The following LRRIQ3 variants were observed in gnomAD, a reference collection of about 807,000 sequenced individuals.
The protein encoded by LRRIQ3 is leucine rich repeats and IQ motif containing 3.
Under a neutral mutation model 59.3 loss-of-function variants are expected in LRRIQ3, and 75 were observed. The ratio of observed to expected loss-of-function variants is 1.26; its 90% CI spans 1.05 to 1.53. The LOEUF (loss-of-function observed/expected upper bound fraction) is 1.53. LRRIQ3 is among the 40% of genes most tolerant of loss of function. The probability of loss-of-function intolerance (pLI) is 0.00; values close to 1 mark genes in which losing one functional copy is unlikely to be tolerated. For missense variants in LRRIQ3, 831 were observed against 710.0 expected (o/e 1.17, Z -1.94); for synonymous variants, 250 against 231.3 (o/e 1.08, Z -0.73).
chr1:74,184,078 A>G (rs1226310016), intron 1 of LRRIQ3, among the ~76,000 whole-genome samples: 1 of 152,076 alleles, frequency 6.6e-6, no homozygotes, highest in Non-Finnish European at 1.5e-5. Context: ...ACTGTTAAAG[A>G]AATACACTGA....
At chr1:74,099,036 G>C (rs1409999973) in intron 5 of LRRIQ3, among the ~76,000 whole-genome samples, 1 of 151,928 alleles carries the variant, frequency 6.6e-6, no homozygotes, top group Non-Finnish European at 1.5e-5. Context: ...CTAGCAGAAG[G>C]CAAGAAATAA....
intron 5 of LRRIQ3, among the ~76,000 whole-genome samples, chr1:74,094,453 G>A (rs1384631908): frequency 6.6e-6 from 1 of 151,946 alleles, no homozygotes; most frequent in Non-Finnish European, 1.5e-5. Flanking sequence ...TGTGAGGTAG[G>A]GGTCACAAGC....
At chr1:74,045,659 G>A (rs1194612248) in intron 6 of LRRIQ3, among the ~76,000 whole-genome samples, 1 of 152,126 alleles carries the variant, frequency 6.6e-6, no homozygotes, top group Non-Finnish European at 1.5e-5. Flanking sequence ...TAGGAAAAGA[G>A]GAAGTCAAAT....
At chr1:74,094,141 T>A (rs984515035) in intron 5 of LRRIQ3, among the ~76,000 whole-genome samples, 2 of 151,952 alleles carry the variant, frequency 1.3e-5, no homozygotes, top group East Asian at 3.9e-4. Flanking sequence ...AGATTCTTAA[T>A]CCTATCAGGT....
intron 4 of LRRIQ3, among the ~76,000 whole-genome samples, chr1:74,136,437 C>T (rs891473685): frequency 6.6e-6 from 1 of 151,940 alleles, no homozygotes; most frequent in Admixed American, 6.6e-5. Context: ...TTTCTTAGCA[C>T]AGCAGTGAGC....
chr1:74,084,864 C>T (rs1329783769), intron 5 of LRRIQ3, among the ~76,000 whole-genome samples: 1 of 151,622 alleles, frequency 6.6e-6, no homozygotes, highest in African/African-American at 2.4e-5. Context: ...ATATCATCAG[C>T]CTATAGAATT....
intron 4 of LRRIQ3, among the ~76,000 whole-genome samples, chr1:74,116,560 G>A (rs1457119917): frequency 6.6e-6 from 1 of 151,826 alleles, no homozygotes; most frequent in Non-Finnish European, 1.5e-5. Context: ...TCAATACACA[G>A]GTATTATTAA....
intron 4 of LRRIQ3, among the ~76,000 whole-genome samples, chr1:74,121,295 C>A (rs1432262906): frequency 6.6e-6 from 1 of 152,104 alleles, no homozygotes. Flanking sequence ...TGCCATCCAA[C>A]TTTTCCATGT....
intron 5 of LRRIQ3, among the ~76,000 whole-genome samples, chr1:74,101,765 T>G (rs918337291): frequency 5.9e-5 from 9 of 152,256 alleles, no homozygotes; most frequent in South Asian, 2.1e-4. Flanking sequence ...TGGAGGGACA[T>G]GGATGAAGCT....
intron 6 of LRRIQ3, among the ~76,000 whole-genome samples, chr1:74,046,532 G>A (rs1485468793): frequency 6.6e-6 from 1 of 152,136 alleles, no homozygotes; most frequent in South Asian, 2.1e-4. Context: ...CAGGACATTG[G>A]AATGGGCAAA....
intron 6 of LRRIQ3, among the ~76,000 whole-genome samples, chr1:74,068,358 A>G (rs899056883): frequency 1.3e-5 from 2 of 152,072 alleles, no homozygotes; most frequent in Non-Finnish European, 2.9e-5. Context: ...ATGGCCTCTA[A>G]GATCTGCATA....
chr1:74,172,523 C>G (rs375754490), intron 3 of LRRIQ3, among the ~76,000 whole-genome samples: 5 of 152,106 alleles, frequency 3.3e-5, no homozygotes, highest in South Asian at 2.1e-4. Flanking sequence ...AAAGAAGGTT[C>G]TGTGTGTGCT....
intron 6 of LRRIQ3, among the ~76,000 whole-genome samples, chr1:74,053,211 T>C (rs377143295): frequency 3.7e-5 from 5 of 136,474 alleles, no homozygotes; most frequent in Admixed American, 1.5e-4. Context: ...AATCTAGACA[T>C]AGACCTTACA....
At chr1:74,116,978 A>C (rs1646785487) in intron 4 of LRRIQ3, among the ~76,000 whole-genome samples, 1 of 152,142 alleles carries the variant, frequency 6.6e-6, no homozygotes, top group Admixed American at 6.6e-5. Context: ...GGAAATGATT[A>C]GTTATAATGT....
chr1:74,076,119 T>C (rs1242699029), intron 5 of LRRIQ3, among the ~76,000 whole-genome samples: 1 of 152,114 alleles, frequency 6.6e-6, no homozygotes, highest in South Asian at 2.1e-4. Flanking sequence ...AGGCAACCAA[T>C]AGTCCATCAG....
At position 74,041,556 on chromosome 1, in the gene LRRIQ3, CA is replaced by C; in HGVS notation, c.1374del (p.Asn458LysfsTer4). ...GCATATTTTTTCTGATTCAAATGTT[CA>C]TTAACAGCTACTCTAACTCTTTCTC... is the stretch of plus-strand genomic sequence containing the variant. The part of the protein sequence containing the change: ...VARERVRVAV[N>X]EHLNQKKYAT... On this transcript the variant is annotated frameshift_variant, in exon 7 of 8. Coordinates refer to ENST00000354431, the MANE Select transcript of LRRIQ3 (RefSeq NM_001105659.2). LOFTEE classifies it high-confidence loss of function. 1 of 1,613,076 alleles carries C rather than the reference CA, an allele frequency of 6.2e-7. No individual in the cohort carries two copies. The highest frequency in any genetic ancestry group is 8.5e-7 in the Non-Finnish European group (1 of 1,179,740).
chr1:74,082,794 C>G (rs1646287655), intron 5 of LRRIQ3: 1 of 151,480 alleles, frequency 6.6e-6, no homozygotes, highest in South Asian at 2.1e-4. Context: ...ATATTACAAT[C>G]TACTTGCATG....
At chr1:74,082,898 A>G (rs1646288548) in intron 5 of LRRIQ3, 1 of 151,628 alleles carries the variant, frequency 6.6e-6, no homozygotes, top group African/African-American at 2.4e-5. Flanking sequence ...TCCCCCTGCA[A>G]CTTGGAACAA....
At chr1:74,190,772 A>C (rs1039577024) in intron 1 of LRRIQ3, among the ~76,000 whole-genome samples, 2 of 152,142 alleles carry the variant, frequency 1.3e-5, no homozygotes, top group Admixed American at 1.3e-4. Flanking sequence ...GAAAAAGCCA[A>C]AGAATTTTTA....
Sources: gnomAD v4.1 joint callset for allele counts (sites outside exome capture counted in the v4.1 genomes callset) on GRCh38, gnomAD v4.1.1 for gene constraint, MANE v1.5 for transcripts, NCBI Gene and HGNC (gene_info 2026-07-23, HGNC 2026-07-21) for gene names.